The following FKBP6 variants were observed in gnomAD, a reference collection of about 807,000 sequenced individuals.
The protein encoded by FKBP6 is FKBP prolyl isomerase family member 6 (inactive).
A neutral mutation model predicts 41.7 loss-of-function variants in FKBP6; 29 were observed. The ratio of observed to expected loss-of-function variants is 0.70; its 90% confidence interval spans 0.52 to 0.95. The LOEUF (loss-of-function observed/expected upper bound fraction) is 0.95. FKBP6 is among the 40% of genes least tolerant of loss of function. The pLI is 0.00. For synonymous variants in FKBP6, 130 were observed against 165.1 expected (o/e 0.79, Z 1.63); for missense variants, 338 against 408.7 (o/e 0.83, Z 1.49).
Position 73,340,640 on chromosome 7 carries a change from C to G in FKBP6, c.591C>G (p.Ala197=). Residue 197 remains alanine (A), a splice_region_variant and synonymous_variant, in exon 6 of 9, where the codon GCC becomes GCG. Coordinates refer to ENST00000252037, the MANE Select transcript of FKBP6 (RefSeq NM_003602.5). Reference sequence around the variant, plus strand: ...CCATCTGCCTTCCCTCTCCACAGGCCCTATTGCTTCTGCGCCGGCGATCAG... The same window carrying G: ...CCATCTGCCTTCCCTCTCCACAGGCGCTATTGCTTCTGCGCCGGCGATCAG... ...FYDAKVRYKR[A]LLLLRRRSAP... 1 of 1,613,162 alleles carries G rather than the reference C, an allele frequency of 6.2e-7. No individual in the cohort carries two copies.
Position 73,328,289 on chromosome 7 carries a change from G to A in FKBP6, c.-140G>A. 1 of 1,549,184 alleles carries A rather than the reference G, an allele frequency of 6.5e-7. No homozygotes were observed. The highest frequency in any genetic ancestry group is 1.2e-5 in the South Asian group (1 of 83,966). On this transcript the variant is annotated 5_prime_UTR_variant, in exon 1 of 9. An upstream open reading frame in the 5' UTR gains an earlier in-frame stop. Transcript: ENST00000252037. ...AACGAAACGATGAGTGCCTCCTCGT[G>A]GCCCCAGAATGGAATGCCGCCGTCG...
chr7:73,334,371 C>T (rs146612159), intron 5 of FKBP6, among the ~76,000 whole-genome samples: 1 of 152,238 alleles, frequency 6.6e-6, no homozygotes, highest in East Asian at 1.9e-4. Context: ...ACCTCCTGCA[C>T]TGAGCTTCTG....
chr7:73,333,875 C>T (rs1450811425), intron 5 of FKBP6, among the ~76,000 whole-genome samples: 1 of 152,164 alleles, frequency 6.6e-6, no homozygotes, highest in African/African-American at 2.4e-5. Context: ...AGTTCAAGAC[C>T]AGCCTGGCGA....
chr7:73,350,450 A>C (rs1236253189), intron 8 of FKBP6, among the ~76,000 whole-genome samples: 1 of 152,048 alleles, frequency 6.6e-6, no homozygotes, highest in Non-Finnish European at 1.5e-5. Flanking sequence ...GAAGCCTCAA[A>C]CATATTCAGC....
At chr7:73,354,245 G>A (rs1180747609) in intron 8 of FKBP6, among the ~76,000 whole-genome samples, 1 of 152,184 alleles carries the variant, frequency 6.6e-6, no homozygotes, top group Non-Finnish European at 1.5e-5. Context: ...GGGACTAGGT[G>A]GCCAGTTGTG....
intron 5 of FKBP6, among the ~76,000 whole-genome samples, chr7:73,332,556 A>G (rs1436650712): frequency 1.3e-5 from 2 of 150,868 alleles, no homozygotes; most frequent in Non-Finnish European, 2.9e-5. Flanking sequence ...ACGGGGGGAT[A>G]AGGGCTGAAG....
intron 8 of FKBP6, among the ~76,000 whole-genome samples, chr7:73,346,154 GCCTGCTGTT>G (rs1805326969): frequency 6.6e-6 from 1 of 152,204 alleles, no homozygotes; most frequent in Non-Finnish European, 1.5e-5. Flanking sequence ...AGATTTTGTT[GCCTGCTGTT>G]CCCAAACATA....
intron 8 of FKBP6, among the ~76,000 whole-genome samples, chr7:73,353,053 C>T (rs889414319): frequency 5.3e-5 from 8 of 152,116 alleles, no homozygotes; most frequent in African/African-American, 1.4e-4. Flanking sequence ...TCAAAGACAG[C>T]GGCATGATAT....
intron 7 of FKBP6, among the ~76,000 whole-genome samples, 157 bp downstream of exon 7, chr7:73,341,539 C>T (rs781986334): frequency 2.0e-5 from 3 of 151,770 alleles, no homozygotes; most frequent in Admixed American, 6.6e-5. Flanking sequence ...CTCGGCCGTG[C>T]GCTGCACCAG....
intron 8 of FKBP6, among the ~76,000 whole-genome samples, chr7:73,351,293 G>A (rs538872508): frequency 2.0e-5 from 3 of 152,222 alleles, no homozygotes; most frequent in African/African-American, 4.8e-5. Flanking sequence ...GCCTCCCAAC[G>A]TGCTGGGATT....
intron 6 of FKBP6, 85 bp downstream of exon 6, chr7:73,340,917 CTTT>C (rs368227645): frequency 0.12 from 53,614 of 465,260 alleles, 1,102 homozygotes; most frequent in East Asian, 0.22. Context: ...AAAATGCTGT[CTTT>C]TTTTTTTTTT....
At chr7:73,343,803 C>T (rs964921199) in intron 8 of FKBP6, among the ~76,000 whole-genome samples, 2 of 152,184 alleles carry the variant, frequency 1.3e-5, no homozygotes, top group African/African-American at 4.8e-5. Context: ...TCTGCTCTCT[C>T]GGAGAAGTCA....
intron 5 of FKBP6, among the ~76,000 whole-genome samples, chr7:73,337,370 C>T (rs1178306327): frequency 2.9e-5 from 4 of 139,700 alleles, no homozygotes; most frequent in Non-Finnish European, 6.1e-5. Context: ...CTGGAGTGTA[C>T]TGGCGCCATC....
At chr7:73,340,896 C>A in intron 6 of FKBP6, 64 bp downstream of exon 6, 17 of 912,902 alleles carry the variant, frequency 1.9e-5, no homozygotes, top group South Asian at 2.8e-5. Context: ...GTGCTCAACT[C>A]AGCTACTGCA....
chr7:73,345,515 GGGGGTATGTA>G (rs1805310479), intron 8 of FKBP6, among the ~76,000 whole-genome samples: 1 of 152,120 alleles, frequency 6.6e-6, no homozygotes, highest in Non-Finnish European at 1.5e-5. Flanking sequence ...CGGCCTGGTT[GGGGGTATGTA>G]GAACCCCATG....
At chr7:73,331,808 T>C (rs1395798596) in intron 5 of FKBP6, 32 bp downstream of exon 5, 16 of 1,604,220 alleles carry the variant, frequency 1.0e-5, no homozygotes, top group Non-Finnish European at 1.4e-5. Flanking sequence ...AGTGTAAGTT[T>C]AGATCCTGAA....
At chr7:73,329,165 C>T (rs561400374) in intron 2 of FKBP6, among the ~76,000 whole-genome samples, 195 bp from the exon 3 acceptor site, 3 of 152,120 alleles carry the variant, frequency 2.0e-5, no homozygotes, top group East Asian at 1.9e-4. Flanking sequence ...GTGATGCTTC[C>T]GCAAAGCTCT....
At chr7:73,329,785 A>G (rs1804777089) in intron 3 of FKBP6, 3 of 522,948 alleles carry the variant, frequency 5.7e-6, no homozygotes, top group East Asian at 3.6e-5. Context: ...CTCCACCCTT[A>G]AGGACCTCAC....
rs782663716 is a variant in FKBP6, at chr7:73,331,673, T to C, written c.485T>C (p.Phe162Ser). Residue 162 changes from phenylalanine to serine, a missense_variant, in exon 5 of 9, where the codon TTT becomes TCT. By Grantham distance (155) the Phe-to-Ser change is radical (BLOSUM62 -2). Transcript: ENST00000252037. ...CALSAEQQDQ[F>S]PLQKVLKVAA... The stretch of plus-strand genomic sequence containing the variant: ...GGTCCTCAGGAGCAGCAAGACCAAT[T>C]TCCACTTCAGAAGGTCCTGAAAGTG... 38 of 1,613,614 alleles carry C rather than the reference T, an allele frequency of 2.4e-5. No homozygotes were observed. The highest frequency in any genetic ancestry group is 1.6e-4 in the Middle Eastern group (1 of 6,084).
Sources: allele counts gnomAD v4.1 joint callset (sites outside exome capture counted in the v4.1 genomes callset), GRCh38; gene constraint gnomAD v4.1.1; transcripts MANE v1.5; gene names NCBI Gene and HGNC (gene_info 2026-07-23, HGNC 2026-07-21).